The following TMTC4 variants were observed in gnomAD, a reference collection of about 807,000 sequenced individuals.
TMTC4 encodes transmembrane O-mannosyltransferase targeting cadherins 4, also known as protein O-mannosyl-transferase TMTC4.
Under a neutral mutation model 86.0 loss-of-function variants are expected in TMTC4, and 65 were observed. That is an observed-to-expected ratio of 0.76 (90% confidence interval 0.62 to 0.93). TMTC4 has a LOEUF of 0.93. Among genes scored for constraint, TMTC4 ranks in the 40% least tolerant of loss-of-function variants. TMTC4 has a pLI of 0.00. For synonymous variants in TMTC4, 379 were observed against 382.5 expected (o/e 0.99, Z 0.11); for missense variants, 866 against 948.1 (o/e 0.91, Z 1.14).
At chr13:100,643,260 C>T (rs1415680778) in intron 6 of TMTC4, among the ~76,000 whole-genome samples, 1 of 152,156 alleles carries the variant, frequency 6.6e-6, no homozygotes, top group Non-Finnish European at 1.5e-5. Flanking sequence ...TTGGAGAATC[C>T]AATTGTTAGC....
intron 15 of TMTC4, among the ~76,000 whole-genome samples, chr13:100,621,116 G>C (rs1346896165): frequency 6.6e-6 from 1 of 152,240 alleles, no homozygotes; most frequent in Admixed American, 6.5e-5. Context: ...TGCTACAGAT[G>C]ATCTTCCAAG....
intron 12 of TMTC4, among the ~76,000 whole-genome samples, chr13:100,627,092 C>T (rs1461939889): frequency 6.6e-6 from 1 of 152,178 alleles, no homozygotes; most frequent in Non-Finnish European, 1.5e-5. Context: ...GTGGGCTTTC[C>T]AGCCTCTGGC....
In TMTC4 at chr13:100,614,325, C is replaced by T. The variant is rs1447245947; in HGVS notation, c.1942G>A (p.Asp648Asn). 6 of 1,612,802 alleles carry T rather than the reference C, an allele frequency of 3.7e-6. No individual in the cohort carries two copies. The highest frequency in any genetic ancestry group is 1.1e-5 in the South Asian group (1 of 90,924). The change falls in exon 16 of 19, where the codon GAC (aspartate) becomes AAC (asparagine). Residue 648 changes from aspartate (D) to asparagine (N), a missense_variant. Coordinates refer to ENST00000342624, the MANE Select transcript of TMTC4 (RefSeq NM_032813.5). ...LAWNNMIILLDNTGNLAQAEA... is the reference protein window; with the variant it reads ...LAWNNMIILLNNTGNLAQAEA... ...ATCCAGCTTTCTGTACCTGTATTGT[C>T]GAGGAGTATAATCATGTTGTTCCAG...
chr13:100,604,825 A>G lies in TMTC4; in HGVS notation c.*169T>C. ...CAATGAAAAATCATATCACGCATTC[A>G]AGAGTATATTGCTGGTGCTATAATC... On this transcript the variant is annotated 3_prime_UTR_variant, in exon 19 of 19. Transcript: ENST00000342624. 1.8e-6 allele frequency: 1 copy of G among 568,142 alleles called. No individual in the cohort carries two copies. The highest frequency in any genetic ancestry group is 2.7e-6 in the Non-Finnish European group (1 of 365,426). The allele number at this position is 568,142 out of a possible 1,614,324, so 35.2% of individuals were successfully genotyped here.
chr13:100,639,908 C>A (rs1202675207), intron 7 of TMTC4, among the ~76,000 whole-genome samples: 5 of 151,592 alleles, frequency 3.3e-5, no homozygotes, highest in Non-Finnish European at 7.4e-5. Context: ...CCACTGCACT[C>A]CAGCCAGAGC....
chr13:100,663,030 G>A lies in TMTC4; in HGVS notation c.486C>T (p.His162=). Residue 162 remains histidine (H), a synonymous_variant, in exon 5 of 19, where the codon CAC becomes CAT. Transcript: ENST00000342624. ...LQYTSKGRRL[H]LAPRASLLAA... ...CCAGCAGGGACGCCCTGGGGGCGAG[G>A]TGCAGCCTCCGGCCTTTACTGGTGT... The A allele has an allele frequency of 1.2e-6, 2 of 1,614,210 alleles. No homozygotes were observed. Among genetic ancestry groups the A allele is most frequent in the South Asian group, 1.1e-5 (1 of 91,080 alleles).
intron 12 of TMTC4, among the ~76,000 whole-genome samples, chr13:100,626,465 T>A (rs146189839): frequency 1.9e-3 from 285 of 152,308 alleles, no homozygotes; most frequent in Non-Finnish European, 3.5e-3. Context: ...CTTTTGATTT[T>A]TAGAGATGGG....
Position 100,636,642 on chromosome 13 carries a change from G to A in TMTC4, c.1092C>T (p.Pro364=), listed in dbSNP as rs1370672850. ...TCCAGTCGCTGATGGACTTAATGAG[G>A]GGGATGCAGCCCATTGACCAATCAA... ...LCFDWSMGCI[P]LIKSISDWRV... The change falls in exon 10 of 19, where the codon CCC becomes CCT. Residue 364 remains proline, a synonymous_variant. Coordinates refer to ENST00000342624, the MANE Select transcript of TMTC4 (RefSeq NM_032813.5). The A allele has an allele frequency of 6.2e-7, 1 of 1,614,194 alleles. No individual in the cohort carries two copies.
chr13:100,644,971 C>T (rs1377159934), intron 6 of TMTC4, among the ~76,000 whole-genome samples: 14 of 152,250 alleles, frequency 9.2e-5, no homozygotes, highest in Middle Eastern at 3.4e-3. Flanking sequence ...CACGCTACCA[C>T]GCCCAGCTAA....
chr13:100,634,662 A>T, intron 12 of TMTC4, 143 bp downstream of exon 12: 2 of 1,067,150 alleles, frequency 1.9e-6, no homozygotes, highest in Non-Finnish European at 1.3e-6. Flanking sequence ...ATTAAAAAAA[A>T]CCATACATAA....
At chr13:100,646,497 G>A (rs1004710040) in intron 6 of TMTC4, among the ~76,000 whole-genome samples, 4 of 152,186 alleles carry the variant, frequency 2.6e-5, no homozygotes, top group Admixed American at 6.5e-5. Flanking sequence ...ACCTGGCCTC[G>A]ACTTGAGTAA....
rs1415683421 is a variant in TMTC4, at chr13:100,630,540, T to C, written c.1506+4265A>G. 2.0e-5 allele frequency among the ~76,000 whole-genome samples: 3 copies of C among 152,176 alleles called. No individual in the cohort carries two copies. In the East Asian group the frequency reaches 5.8e-4, roughly 29 times the overall value. ...AGAAAAGTGCTCTAAATGATTAGAA[T>C]TTGAGCTTCCCCCAACCCAGCTTGG... is the stretch of plus-strand genomic sequence containing the variant. On this transcript the variant is annotated intron_variant, in intron 12 of 18. Transcript: ENST00000342624.
At chr13:100,618,978 C>A (rs1031961260) in intron 15 of TMTC4, among the ~76,000 whole-genome samples, 1 of 152,218 alleles carries the variant, frequency 6.6e-6, no homozygotes, top group African/African-American at 2.4e-5. Context: ...CATTGTCATC[C>A]CAGCCCGTTC....
chr13:100,647,736 T>C (rs888268782), intron 6 of TMTC4, among the ~76,000 whole-genome samples: 1 of 152,208 alleles, frequency 6.6e-6, no homozygotes, highest in African/African-American at 2.4e-5. Context: ...AGCTAAATTA[T>C]GACACAGACA....
At chr13:100,639,879 G>A (rs1266548942) in intron 7 of TMTC4, among the ~76,000 whole-genome samples, 1 of 152,100 alleles carries the variant, frequency 6.6e-6, no homozygotes, top group Non-Finnish European at 1.5e-5. Flanking sequence ...GGTGGAGGTC[G>A]TAGTAAGCTG....
At chr13:100,621,128 G>C (rs907769258) in intron 15 of TMTC4, among the ~76,000 whole-genome samples, 1 of 152,248 alleles carries the variant, frequency 6.6e-6, no homozygotes, top group Non-Finnish European at 1.5e-5. Context: ...TCTTCCAAGT[G>C]AAAGTGTAAT....
chr13:100,656,296 A>G, intron 6 of TMTC4, 85 bp downstream of exon 6: 3 of 1,196,430 alleles, frequency 2.5e-6, no homozygotes, highest in Non-Finnish European at 3.6e-6. Flanking sequence ...ACATAGATGG[A>G]TTCTTTCCCG....
Position 100,660,895 on chromosome 13 carries a change from C to A in TMTC4, c.552+2069G>T, listed in dbSNP as rs376007091. ...TTTGGAACTCCTGACCTCAAGTGAT[C>A]CACCTGCTTCGGCCTCCCGAAGTGC... On this transcript the variant is annotated intron_variant, in intron 5 of 18. Transcript: ENST00000342624. 1.2e-4 allele frequency among the ~76,000 whole-genome samples: 18 copies of A among 152,266 alleles called. No homozygotes were observed. The East Asian group carries it at 3.5e-3, about 29-fold the overall frequency.
intron 15 of TMTC4, among the ~76,000 whole-genome samples, chr13:100,620,353 C>T (rs751085448): frequency 6.6e-6 from 1 of 152,188 alleles, no homozygotes; most frequent in Non-Finnish European, 1.5e-5. Context: ...CCCTCCTCCA[C>T]CGTCCCAGGG....
Sources: allele counts gnomAD v4.1 joint callset (sites outside exome capture counted in the v4.1 genomes callset), GRCh38; gene constraint gnomAD v4.1.1; transcripts MANE v1.5; gene names NCBI Gene and HGNC (gene_info 2026-07-23, HGNC 2026-07-21).